CAND2: variants seen among roughly 807,000 people sequenced by gnomAD.
CAND2 encodes cullin-associated NEDD8-dissociated protein 2.
In CAND2, 62 loss-of-function variants were observed where a neutral mutation model predicts 98.9. The observed-to-expected ratio is 0.63, with a 90% CI of 0.51 to 0.77. CAND2 has a LOEUF of 0.77. CAND2 is among the 30% of genes least tolerant of loss of function. The pLI, the probability that CAND2 is intolerant of heterozygous loss-of-function variation, is 0.00. For synonymous variants in CAND2, 770 were observed against 731.9 expected, an observed-to-expected ratio of 1.05 and a Z score of -0.84; for missense variants, 1,501 against 1,655.2, an observed-to-expected ratio of 0.91 and a Z score of 1.62.
chr3:12,809,221 C>A (rs929689926), intron 4 of CAND2, among the ~76,000 whole-genome samples: 7 of 151,944 alleles, frequency 4.6e-5, no homozygotes, highest in African/African-American at 7.3e-5. Context: ...CGGGAGCCAG[C>A]AGCAGGTGTG....
chr3:12,797,172 C>T (rs1232260245), intron 1 of CAND2, among the ~76,000 whole-genome samples: 9 of 134,506 alleles, frequency 6.7e-5, no homozygotes, highest in Admixed American at 2.9e-4. Context: ...AGCGCCCCCT[C>T]CCCCCCGCCC....
At position 12,820,110 on chromosome 3, in the gene CAND2, T is replaced by C. The variant is rs746572091; in HGVS notation, c.2969T>C (p.Val990Ala). Reference protein sequence around the residue: ...AAGRPHTRSTVITAVKFLISD... With the variant: ...AAGRPHTRSTAITAVKFLISD... Reference sequence around the variant, plus strand: ...GGTCGGCCACACACCCGGAGCACCGTCATCACAGCGGTCAAGTTCCTTATC... The same window carrying C: ...GGTCGGCCACACACCCGGAGCACCGCCATCACAGCGGTCAAGTTCCTTATC... Residue 990 changes from valine (V) to alanine (A), a missense_variant, in exon 11 of 15, where the codon GTC becomes GCC. Around this residue, in one of 3 missense-constraint regions of CAND2, gnomAD observed 1,427 missense variants for 1,545.3 expected, o/e 0.92. Coordinates refer to ENST00000456430, the MANE Select transcript of CAND2 (RefSeq NM_001162499.2). The C allele has an allele frequency of 5.6e-6, 9 of 1,614,118 alleles. No homozygotes were observed. The Admixed American group carries it at 1.2e-4, about 21-fold the overall frequency.
chr3:12,810,383 A>G, intron 5 of CAND2, 59 bp downstream of exon 5: 1 of 1,360,462 alleles, frequency 7.4e-7, no homozygotes, highest in Non-Finnish European at 9.5e-7. Flanking sequence ...AGGGTGAGCC[A>G]ATGACTCGGT....
chr3:12,828,376 C>T (rs1290043635), intron 13 of CAND2, among the ~76,000 whole-genome samples: 4 of 134,962 alleles, frequency 3.0e-5, no homozygotes, highest in Non-Finnish European at 4.6e-5. Context: ...CTTGCACTGT[C>T]ACTCAGGCTG....
rs772714371 is a variant in CAND2, at chr3:12,815,100, T to TG, written c.1007-38dup. ...TCTCCCCCGAGCCACAGACCTGTCC[T>TG]GGGAGATGAGGGTTCCACGTGTGTC... On this transcript the variant is annotated intron_variant, in intron 7 of 14. Transcript: ENST00000456430. The surrounding 1 kb of genome is among the most constrained non-coding windows in gnomAD (Gnocchi z 5.7). 6 of 1,572,482 alleles carry TG rather than the reference T, an allele frequency of 3.8e-6. No homozygotes were observed. The highest frequency in any genetic ancestry group is 1.7e-5 in the Admixed American group (1 of 58,526).
intron 13 of CAND2, among the ~76,000 whole-genome samples, chr3:12,829,612 C>A (rs74843051): frequency 0.016 from 2,475 of 152,164 alleles, 65 homozygotes; most frequent in African/African-American, 0.056. Flanking sequence ...TTCTCCACAC[C>A]CAGAGAGGCC....
intron 7 of CAND2, among the ~76,000 whole-genome samples, chr3:12,814,929 G>T (rs2061883858): frequency 6.6e-6 from 1 of 152,164 alleles, no homozygotes; most frequent in African/African-American, 2.4e-5. Flanking sequence ...GCTAAAATAA[G>T]ATTATGGGTT....
In CAND2 at chr3:12,797,234, C is replaced by T. The variant is rs567595283; in HGVS notation, c.68+446C>T. Reference sequence around the variant, plus strand: ...AAGCCCTACGCCTCTCCCTGGGGACCCCAGCACCTGCCTCTCCTCCGCATT... The same window carrying T: ...AAGCCCTACGCCTCTCCCTGGGGACTCCAGCACCTGCCTCTCCTCCGCATT... On this transcript the variant is annotated intron_variant, in intron 1 of 14. Transcript: ENST00000456430. Among the ~76,000 whole-genome samples the T allele has an allele frequency of 4.0e-5, 6 of 148,918 alleles. No homozygotes were observed. In the South Asian group the frequency reaches 1.1e-3, roughly 27 times the overall value.
rs1406531914 is a variant in CAND2, at chr3:12,820,125, A to T, written c.2984A>T (p.Lys995Met). Residue 995 changes from lysine to methionine, a missense_variant, in exon 11 of 15, where the codon AAG becomes ATG. Around this residue, in one of 3 missense-constraint regions of CAND2, gnomAD observed 1,427 missense variants for 1,545.3 expected, o/e 0.92. Transcript: ENST00000456430. ...HTRSTVITAV[K>M]FLISDQPHPI... The stretch of plus-strand genomic sequence containing the variant: ...CGGAGCACCGTCATCACAGCGGTCA[A>T]GTTCCTTATCTCGGACCAGCCCCAT... 6.2e-7 allele frequency: 1 copy of T among 1,614,014 alleles called. No individual in the cohort carries two copies. Among genetic ancestry groups the T allele is most frequent in the East Asian group, 2.2e-5 (1 of 44,886 alleles).
intron 2 of CAND2, among the ~76,000 whole-genome samples, chr3:12,803,927 G>C (rs9836128): frequency 0.48 from 73,052 of 151,398 alleles, 18,891 homozygotes; most frequent in Non-Finnish European, 0.6. Context: ...GGCCTGATGA[G>C]CTTAACCCCA....
intron 11 of CAND2, among the ~76,000 whole-genome samples, chr3:12,821,063 G>A (rs1013396311): frequency 6.6e-6 from 1 of 152,038 alleles, no homozygotes; most frequent in Non-Finnish European, 1.5e-5. Context: ...GTGAAACCCT[G>A]TCTCTACTAA....
Position 12,810,279 on chromosome 3 carries a change from A to G in CAND2, c.712A>G (p.Ile238Val). ...PTSPTAIRTL[I>V]QCLGSVGRQA... is the part of the protein sequence containing the mutation. ...CAGCCCGACTGCCATCCGCACCCTG[A>G]TCCAATGTTTGGGCAGCGTCGGCCG... is the stretch of plus-strand genomic sequence containing the variant. The change falls in exon 5 of 15, where the codon ATC becomes GTC. Residue 238 changes from isoleucine to valine, a missense_variant. Transcript: ENST00000456430. 6.7e-7 allele frequency: 1 copy of G among 1,495,544 alleles called. No homozygotes were observed. Among genetic ancestry groups the G allele is most frequent in the East Asian group, 2.8e-5 (1 of 36,306 alleles). 92.6% of individuals were successfully genotyped at this position (1,495,544 alleles called of 1,614,324 possible).
chr3:12,825,510 G>T lies in CAND2; in HGVS notation c.3081G>T (p.Val1027=), dbSNP rs1218737438. 1 of 1,580,212 alleles carries T rather than the reference G, an allele frequency of 6.3e-7. No individual in the cohort carries two copies. The stretch of plus-strand genomic sequence containing the variant: ...GCCTGCAGGACCCAGACCTGAACGT[G>T]CGCCGTGCGACTCTGGCTTTCTTCA... ...MESLQDPDLN[V]RRATLAFFNS... The change falls in exon 12 of 15, where the codon GTG becomes GTT. Residue 1027 remains valine, a synonymous_variant. Transcript: ENST00000456430.
At position 12,816,836 on chromosome 3, in the gene CAND2, C is replaced by T. The variant is rs771060718; in HGVS notation, c.1904C>T (p.Thr635Met). 15 of 1,613,666 alleles carry T rather than the reference C, an allele frequency of 9.3e-6. No homozygotes were observed. Among genetic ancestry groups the T allele is most frequent in the Admixed American group, 5.0e-5 (3 of 60,012 alleles). ...ITRLPAIKAL[T>M]LVAVSPLQLD... ...CGGCTGCCCGCCATCAAGGCGCTTA[C>T]GCTGGTGGCCGTATCCCCACTACAG... Residue 635 changes from threonine to methionine, a missense_variant, in exon 10 of 15, where the codon ACG (threonine) becomes ATG (methionine). By Grantham distance (81) the Thr-to-Met change is moderately conservative (BLOSUM62 -1). Coordinates refer to ENST00000456430, the MANE Select transcript of CAND2 (RefSeq NM_001162499.2).
intron 10 of CAND2, among the ~76,000 whole-genome samples, chr3:12,818,496 A>C (rs972802114): frequency 6.6e-6 from 1 of 152,156 alleles, no homozygotes; most frequent in Non-Finnish European, 1.5e-5. Flanking sequence ...AAGAACCAGG[A>C]GGGGCAGGCG....
chr3:12,805,144 T>C lies in CAND2; in HGVS notation c.212+1513T>C, dbSNP rs576392055. Among the ~76,000 whole-genome samples the C allele has an allele frequency of 4.6e-5, 7 of 152,304 alleles. No homozygotes were observed. In the South Asian group the frequency reaches 1.5e-3, roughly 32 times the overall value. ...TCCATGTATGCGTGCTTGGGCACTG[T>C]GATGGTAGAAGTGATGAAGTCACGA... On this transcript the variant is annotated intron_variant, in intron 2 of 14. Transcript: ENST00000456430.
chr3:12,820,148 C>T lies in CAND2; in HGVS notation c.3007C>T (p.His1003Tyr), dbSNP rs1402151403. The change falls in exon 11 of 15, where the codon CAT (histidine) becomes TAT (tyrosine). Residue 1003 changes from histidine (H) to tyrosine (Y), a missense_variant. Coordinates refer to ENST00000456430, the MANE Select transcript of CAND2 (RefSeq NM_001162499.2). ...AVKFLISDQP[H>Y]PIDPLLKSFI... ...CAAGTTCCTTATCTCGGACCAGCCC[C>T]ATCCCATTGACCCCCTCCTGAAGAG... 6.2e-7 allele frequency: 1 copy of T among 1,614,208 alleles called. No individual in the cohort carries two copies. Among genetic ancestry groups the T allele is most frequent in the Non-Finnish European group, 8.5e-7 (1 of 1,180,026 alleles).
At chr3:12,821,889 G>A (rs940713845) in intron 11 of CAND2, among the ~76,000 whole-genome samples, 4 of 152,094 alleles carry the variant, frequency 2.6e-5, no homozygotes, top group Admixed American at 2.0e-4. Flanking sequence ...GGTGGATACC[G>A]CCATGGTTTC....
At chr3:12,806,790 C>A (rs2124839812) in intron 2 of CAND2, among the ~76,000 whole-genome samples, 1 of 152,226 alleles carries the variant, frequency 6.6e-6, no homozygotes, top group East Asian at 1.9e-4. Context: ...TGAGATTCCA[C>A]ATCCTGAACA....
Sources: allele counts gnomAD v4.1 joint callset (sites outside exome capture counted in the v4.1 genomes callset), GRCh38; gene constraint gnomAD v4.1.1; regional missense constraint gnomAD v4.1.1; non-coding constraint Gnocchi (gnomAD v3.1); transcripts MANE v1.5; gene names NCBI Gene and HGNC (gene_info 2026-07-23, HGNC 2026-07-21).